Variants in CNMD observed in about 807,000 individuals in gnomAD.
The protein encoded by CNMD is leukocyte cell-derived chemotaxin 1.
In CNMD, 30 loss-of-function variants were observed where a neutral mutation model predicts 37.5. The ratio of observed to expected loss-of-function variants is 0.80; its 90% CI spans 0.60 to 1.09. CNMD has a LOEUF of 1.09. Ranked by LOEUF, CNMD falls within the 50% of genes least tolerant of loss-of-function variation. The pLI, the probability that CNMD is intolerant of heterozygous loss-of-function variation, is 0.00. For synonymous variants in CNMD, 167 were observed against 148.2 expected, an observed-to-expected ratio of 1.13 and a Z score of -0.92; for missense variants, 398 against 423.9, an observed-to-expected ratio of 0.94 and a Z score of 0.54.
chr13:52,727,577 GTA>G (rs370612662), intron 3 of CNMD, among the ~76,000 whole-genome samples: 7 of 149,754 alleles, frequency 4.7e-5, no homozygotes, highest in African/African-American at 4.9e-5. Context: ...AGGATCACTG[GTA>G]TATATATATA....
Position 52,739,775 on chromosome 13 carries a change from C to A in CNMD, c.-74G>T. 7.4e-7 allele frequency: 1 copy of A among 1,345,542 alleles called. No homozygotes were observed. Among genetic ancestry groups the A allele is most frequent in the Admixed American group, 1.8e-5 (1 of 56,922 alleles). 83.4% of individuals were successfully genotyped at this position (1,345,542 alleles called of 1,614,324 possible). On this transcript the variant is annotated 5_prime_UTR_variant, in exon 1 of 7. Coordinates refer to ENST00000377962, the MANE Select transcript of CNMD (RefSeq NM_007015.3). The surrounding 1 kb of genome is among the most constrained non-coding windows in gnomAD (Gnocchi z 5.4). The stretch of plus-strand genomic sequence containing the variant: ...GGATCTGTCCCGCTGCCCCGACGTG[C>A]AGGGCATTTCAACGCCGCGCGCACA...
At chr13:52,719,110 T>C (rs1427092730) in intron 4 of CNMD, among the ~76,000 whole-genome samples, 1 of 152,234 alleles carries the variant, frequency 6.6e-6, no homozygotes, top group East Asian at 1.9e-4. Flanking sequence ...TTGATCTTTG[T>C]TGGTTTAAAG....
At position 52,708,683 on chromosome 13, in the gene CNMD, T is replaced by G; in HGVS notation, c.642A>C (p.Arg214Ser). The G allele has an allele frequency of 6.2e-7, 1 of 1,605,708 alleles. No individual in the cohort carries two copies. The highest frequency in any genetic ancestry group is 8.5e-7 in the Non-Finnish European group (1 of 1,177,940). Residue 214 changes from arginine to serine, a missense_variant, in exon 6 of 7, where the codon AGA (arginine) becomes AGC (serine). By Grantham distance (110) the Arg-to-Ser change is moderately radical (BLOSUM62 -1). Transcript: ENST00000377962. ...TYPKEIQRER[R>S]EVVRKIVPTT... Reference sequence around the variant, plus strand: ...TTGGAACAATTTTTCTTACCACTTCTCTTCTTTCCCTCTGGATTTCTGCAA... The same window carrying G: ...TTGGAACAATTTTTCTTACCACTTCGCTTCTTTCCCTCTGGATTTCTGCAA...
chr13:52,723,864 G>A (rs957125221), intron 4 of CNMD, 133 bp downstream of exon 4: 9 of 629,286 alleles, frequency 1.4e-5, no homozygotes, highest in Admixed American at 5.5e-5. Flanking sequence ...AGCCAAAAGC[G>A]CCACTGCACT....
At chr13:52,736,045 G>A (rs572491062) in intron 2 of CNMD, among the ~76,000 whole-genome samples, 23 of 150,518 alleles carry the variant, frequency 1.5e-4, no homozygotes, top group Non-Finnish European at 2.7e-4. Context: ...CCAGGCTGGA[G>A]TGCAGTGGCA....
rs765348135 is a variant in CNMD at position 52,703,702 on chromosome 13, G to C, written c.898C>G (p.Leu300Val). ...TAAGGCCATGGGTAATAGCCCCCCA[G>C]GGGTTCACAGATCTTCTGGCAGTGG... ...YTHCQKICEP[L>V]GGYYPWPYNY... The change falls in exon 7 of 7, where the codon CTG becomes GTG. Residue 300 changes from leucine (L) to valine (V), a missense_variant. Transcript: ENST00000377962. The C allele has an allele frequency of 1.9e-5, 31 of 1,613,878 alleles. 1 individual carries two copies. In the Middle Eastern group the frequency reaches 4.9e-4, roughly 26 times the overall value.
rs142017127 is a variant in CNMD at position 52,716,886 on chromosome 13, A to T, written c.469-4017T>A. ...GTAGTTTTTTCTAATTCTGTGAAGAAAGTCAGTGGTAGCTTGATGGGGATA... is the reference window on the plus strand; with the variant it reads ...GTAGTTTTTTCTAATTCTGTGAAGATAGTCAGTGGTAGCTTGATGGGGATA... On this transcript the variant is annotated intron_variant, in intron 4 of 6. Coordinates refer to ENST00000377962, the MANE Select transcript of CNMD (RefSeq NM_007015.3). 9.5e-3 allele frequency among the ~76,000 whole-genome samples: 1,441 copies of T among 152,284 alleles called. 29 individuals are homozygous for T. The highest frequency in any genetic ancestry group is 0.033 in the African/African-American group (1,385 of 41,556).
At chr13:52,703,922 C>T in intron 6 of CNMD, 112 bp from the exon 7 acceptor site, 1 of 843,244 alleles carries the variant, frequency 1.2e-6, no homozygotes, top group Non-Finnish European at 1.9e-6. Flanking sequence ...AAGGTGTAAT[C>T]TGTAAAGGGT....
chr13:52,710,125 T>C (rs1203259143), intron 5 of CNMD, among the ~76,000 whole-genome samples: 1 of 152,222 alleles, frequency 6.6e-6, no homozygotes, highest in East Asian at 1.9e-4. Context: ...GTGTGTTGCA[T>C]ATAATAAGCA....
At chr13:52,736,656 G>A (rs1964771968) in intron 2 of CNMD, among the ~76,000 whole-genome samples, 1 of 152,198 alleles carries the variant, frequency 6.6e-6, no homozygotes, top group South Asian at 2.1e-4. Flanking sequence ...CAAACAAGAT[G>A]AAATTTATTA....
chr13:52,718,121 T>C lies in CNMD; in HGVS notation c.469-5252A>G, dbSNP rs562109989. 2.4e-4 allele frequency among the ~76,000 whole-genome samples: 36 copies of C among 152,334 alleles called. No homozygotes were observed. The South Asian group carries it at 7.5e-3, about 32-fold the overall frequency. ...CCCATTTCTTCTGAATTTTCTAGTT[T>C]ATTTGTGTAGAGGTGTTTATAGCAT... On this transcript the variant is annotated intron_variant, in intron 4 of 6. Coordinates refer to ENST00000377962, the MANE Select transcript of CNMD (RefSeq NM_007015.3).
At chr13:52,715,192 G>A (rs538862297) in intron 4 of CNMD, among the ~76,000 whole-genome samples, 72 of 151,980 alleles carry the variant, frequency 4.7e-4, no homozygotes, top group African/African-American at 1.7e-3. Flanking sequence ...TTTTACTACA[G>A]TCTCCCTGCT....
At chr13:52,705,823 A>G (rs985887381) in intron 6 of CNMD, among the ~76,000 whole-genome samples, 3 of 151,882 alleles carry the variant, frequency 2.0e-5, no homozygotes, top group Non-Finnish European at 2.9e-5. Flanking sequence ...GCCTGTCTAT[A>G]AAGGGGCTGA....
At chr13:52,718,568 C>T (rs183441567) in intron 4 of CNMD, among the ~76,000 whole-genome samples, 1 of 152,266 alleles carries the variant, frequency 6.6e-6, no homozygotes, top group Admixed American at 6.5e-5. Context: ...TTTCAAAGAA[C>T]ATCTTTATTT....
At chr13:52,737,958 T>G (rs1307148001) in intron 2 of CNMD, among the ~76,000 whole-genome samples, 3 of 152,268 alleles carry the variant, frequency 2.0e-5, no homozygotes, top group Non-Finnish European at 4.4e-5. Context: ...GGCATGCTTA[T>G]CTACATTAGA....
chr13:52,713,223 A>G (rs1339332850), intron 4 of CNMD, among the ~76,000 whole-genome samples: 3 of 152,228 alleles, frequency 2.0e-5, no homozygotes, highest in Non-Finnish European at 1.5e-5. Context: ...CTGGAATCCT[A>G]CAAAGGATAG....
intron 5 of CNMD, among the ~76,000 whole-genome samples, chr13:52,710,457 C>G (rs546936944): frequency 6.6e-6 from 1 of 152,212 alleles, no homozygotes; most frequent in East Asian, 1.9e-4. Context: ...CAGCTCTCCC[C>G]GTTCCCCTCT....
At chr13:52,732,988 T>C in intron 3 of CNMD, 1 of 542,344 alleles carries the variant, frequency 1.8e-6, no homozygotes, top group Non-Finnish European at 3.3e-6. Flanking sequence ...GTTCTTTTTG[T>C]TTTTGGTATT....
chr13:52,724,902 AAAAC>A (rs565344191), intron 3 of CNMD, among the ~76,000 whole-genome samples: 89 of 152,320 alleles, frequency 5.8e-4, no homozygotes, highest in South Asian at 2.1e-3. Context: ...CAAAAAAATA[AAAAC>A]AAACAAACAA....
Sources: gnomAD v4.1 joint callset for allele counts (sites outside exome capture counted in the v4.1 genomes callset) on GRCh38, gnomAD v4.1.1 for gene constraint, Gnocchi (gnomAD v3.1) non-coding constraint, MANE v1.5 for transcripts, NCBI Gene and HGNC (gene_info 2026-07-23, HGNC 2026-07-21) for gene names.